PALM2AKAP2: variants seen among roughly 807,000 people sequenced by gnomAD.
PALM2AKAP2 encodes PALM2 and AKAP2 fusion, also known as PALM2-AKAP2 fusion protein.
PALM2AKAP2 carries 37 observed loss-of-function variants against 71.5 expected under a neutral mutation model. The observed-to-expected ratio is 0.52, with a 90% CI of 0.40 to 0.68. PALM2AKAP2 has a LOEUF of 0.68. PALM2AKAP2 is among the 30% of genes least tolerant of loss of function. PALM2AKAP2 has a pLI of 0.00. For synonymous variants in PALM2AKAP2, 468 were observed against 478.8 expected (o/e 0.98, Z 0.29); for missense variants, 1,224 against 1,191.8 (o/e 1.03, Z -0.40).
At chr9:110,006,969 C>G (rs1832795792) in intron 6 of PALM2AKAP2, among the ~76,000 whole-genome samples, 2 of 152,066 alleles carry the variant, frequency 1.3e-5, no homozygotes, top group African/African-American at 4.8e-5. Flanking sequence ...ATTCCCTTTC[C>G]CTTATTGGTT....
intron 6 of PALM2AKAP2, among the ~76,000 whole-genome samples, chr9:109,971,809 CT>C (rs1832074664): frequency 6.6e-6 from 1 of 152,156 alleles, no homozygotes; most frequent in Admixed American, 6.5e-5. Flanking sequence ...ACCTGTGTTT[CT>C]AGGCATGTGA....
chr9:109,854,322 A>G (rs1296333466), intron 1 of PALM2AKAP2, among the ~76,000 whole-genome samples: 2 of 152,252 alleles, frequency 1.3e-5, no homozygotes, highest in African/African-American at 4.8e-5. Context: ...CTGAATTAGG[A>G]AACATATCTA....
chr9:110,076,492 C>CATATATATATATATATATAT (rs149836822), intron 1 of PALM2AKAP2, among the ~76,000 whole-genome samples: 1,451 of 106,384 alleles, frequency 0.014, 64 homozygotes, highest in South Asian at 0.03. Flanking sequence ...ATATATTCTA[C>CATATATATATATATATATAT]ATATATATAT....
intron 7 of PALM2AKAP2, chr9:110,024,735 G>C: frequency 3.4e-6 from 2 of 591,932 alleles, no homozygotes; most frequent in Non-Finnish European, 5.9e-6. Flanking sequence ...AGTGAGCTGT[G>C]ATTGTGTCAC....
chr9:109,925,105 G>A (rs759026485), intron 5 of PALM2AKAP2, 23 bp downstream of exon 5: 1 of 1,614,074 alleles, frequency 6.2e-7, no homozygotes, highest in South Asian at 1.1e-5. Context: ...TGCCCCGACT[G>A]TAGATGAATG....
intron 6 of PALM2AKAP2, among the ~76,000 whole-genome samples, chr9:110,005,295 A>G (rs1832756617): frequency 6.6e-6 from 1 of 152,240 alleles, no homozygotes; most frequent in Non-Finnish European, 1.5e-5. Context: ...AGTCCACTCC[A>G]GATCCTGTTT....
intron 1 of PALM2AKAP2, among the ~76,000 whole-genome samples, chr9:109,663,106 G>A (rs1827425190): frequency 6.6e-6 from 1 of 151,956 alleles, no homozygotes; most frequent in Non-Finnish European, 1.5e-5. Flanking sequence ...TTGGCTAGCG[G>A]TCTACCAATT....
At chr9:109,884,386 C>T (rs1041281259) in intron 3 of PALM2AKAP2, among the ~76,000 whole-genome samples, 3 of 152,106 alleles carry the variant, frequency 2.0e-5, no homozygotes, top group Admixed American at 6.5e-5. Flanking sequence ...CGCTTGAACC[C>T]GGGAAGCGGA....
At chr9:109,726,942 G>A (rs971208362) in intron 1 of PALM2AKAP2, among the ~76,000 whole-genome samples, 1 of 152,162 alleles carries the variant, frequency 6.6e-6, no homozygotes, top group African/African-American at 2.4e-5. Context: ...CATTATTGCA[G>A]AAAGTTCCAT....
At chr9:110,123,775 G>A (rs1835539628) in intron 1 of PALM2AKAP2, among the ~76,000 whole-genome samples, 1 of 152,248 alleles carries the variant, frequency 6.6e-6, no homozygotes, top group African/African-American at 2.4e-5. Flanking sequence ...TGGAGGGGCA[G>A]GTGTGGTAAT....
At chr9:110,009,062 A>G (rs1832832488) in intron 6 of PALM2AKAP2, among the ~76,000 whole-genome samples, 1 of 152,166 alleles carries the variant, frequency 6.6e-6, no homozygotes, top group South Asian at 2.1e-4. Flanking sequence ...CTCTTTGTCC[A>G]GTGATCCATC....
At chr9:110,053,193 T>C (rs1415112025) in intron 1 of PALM2AKAP2, among the ~76,000 whole-genome samples, 1 of 152,152 alleles carries the variant, frequency 6.6e-6, no homozygotes, top group Non-Finnish European at 1.5e-5. Flanking sequence ...GGACCAGGGC[T>C]ACCAGTCCTT....
At chr9:109,681,194 C>G (rs967968933) in intron 1 of PALM2AKAP2, among the ~76,000 whole-genome samples, 2 of 152,134 alleles carry the variant, frequency 1.3e-5, no homozygotes, top group South Asian at 4.1e-4. Context: ...TCTTTTTCTT[C>G]CACTGGTCTA....
chr9:110,065,959 G>A (rs911351586), intron 1 of PALM2AKAP2, among the ~76,000 whole-genome samples: 5 of 152,088 alleles, frequency 3.3e-5, no homozygotes, highest in South Asian at 2.1e-4. Context: ...TCATTCATTC[G>A]ATACTTGGGT....
intron 3 of PALM2AKAP2, among the ~76,000 whole-genome samples, chr9:109,885,779 CT>C: frequency 6.6e-6 from 1 of 152,168 alleles, no homozygotes; most frequent in Non-Finnish European, 1.5e-5. Context: ...TAGAGCTAAG[CT>C]TTCATTTGAA....
chr9:109,735,818 A>G (rs1315322704), intron 1 of PALM2AKAP2, among the ~76,000 whole-genome samples: 1 of 152,198 alleles, frequency 6.6e-6, no homozygotes, highest in African/African-American at 2.4e-5. Context: ...GGAGGAAGAG[A>G]AACAAAAAAG....
At chr9:109,727,355 A>T (rs1828491425) in intron 1 of PALM2AKAP2, among the ~76,000 whole-genome samples, 1 of 152,220 alleles carries the variant, frequency 6.6e-6, no homozygotes, top group African/African-American at 2.4e-5. Flanking sequence ...ATATTAGATG[A>T]TTCTATGATT....
intron 1 of PALM2AKAP2, among the ~76,000 whole-genome samples, chr9:109,662,789 G>T (rs939311637): frequency 6.6e-6 from 1 of 152,070 alleles, no homozygotes; most frequent in South Asian, 2.1e-4. Flanking sequence ...CTGTGAATCT[G>T]TCTGGTCCTG....
At chr9:109,800,307 GGTAA>G (rs1182757752) in intron 1 of PALM2AKAP2, among the ~76,000 whole-genome samples, 1 of 152,164 alleles carries the variant, frequency 6.6e-6, no homozygotes, top group African/African-American at 2.4e-5. Context: ...CTACTGTTAT[GGTAA>G]GTGTTTAGCA....
Sources: gnomAD v4.1 joint callset for allele counts (sites outside exome capture counted in the v4.1 genomes callset) on GRCh38, gnomAD v4.1.1 for gene constraint, MANE v1.5 for transcripts, NCBI Gene and HGNC (gene_info 2026-07-23, HGNC 2026-07-21) for gene names.